The following SLC8B1 variants were observed in gnomAD, a reference collection of about 807,000 sequenced individuals.
The protein encoded by SLC8B1 is solute carrier family 8 member B1, also known as mitochondrial sodium/calcium exchanger protein.
A neutral mutation model predicts 63.4 loss-of-function variants in SLC8B1; 52 were observed. That is an observed-to-expected ratio of 0.82 (90% CI 0.66 to 1.03). The LOEUF (loss-of-function observed/expected upper bound fraction) is 1.03, where lower values mean the gene tolerates loss of function less well. Ranked by LOEUF, SLC8B1 falls within the 50% of genes least tolerant of loss-of-function variation. SLC8B1 has a pLI of 0.00. For missense variants in SLC8B1, 657 were observed against 741.7 expected (o/e 0.89, Z 1.33); for synonymous variants, 336 against 323.9 (o/e 1.04, Z -0.40).
chr12:113,306,448 C>G (rs377762188), intron 14 of SLC8B1, 47 bp downstream of exon 14: 1 of 1,498,706 alleles, frequency 6.7e-7, no homozygotes, highest in South Asian at 1.3e-5. Context: ...ACCCCACCCA[C>G]GGCTGTGACA....
intron 12 of SLC8B1, 106 bp downstream of exon 12, chr12:113,310,128 A>T: frequency 7.0e-7 from 1 of 1,423,050 alleles, no homozygotes; most frequent in South Asian, 1.5e-5. Context: ...TCTTTGTGTG[A>T]CTCCTGATCA....
intron 15 of SLC8B1, among the ~76,000 whole-genome samples, chr12:113,301,540 T>C (rs1264496654): frequency 1.3e-5 from 2 of 152,060 alleles, no homozygotes; most frequent in Non-Finnish European, 2.9e-5. Context: ...AGTTTCACCA[T>C]GTTGGCCAGA....
intron 15 of SLC8B1, among the ~76,000 whole-genome samples, chr12:113,300,202 G>A (rs1467346853): frequency 4.6e-5 from 7 of 152,222 alleles, no homozygotes; most frequent in Non-Finnish European, 1.0e-4. Flanking sequence ...TCTCAGCCGA[G>A]CACAGTGGCT....
chr12:113,319,091 C>T lies in SLC8B1; in HGVS notation c.695-20G>A, dbSNP rs117613738. The T allele has an allele frequency of 1.9e-4, 306 of 1,587,878 alleles. 2 individuals carry two copies. The East Asian group carries it at 3.5e-3, about 18-fold the overall frequency. On this transcript the variant is annotated intron_variant, in intron 7 of 15. Transcript: ENST00000680972. ...GGTAACCTGCAGACGGGGTGCACGC[C>T]GTCACCAAGTGGTGTCCTGGTGCAG...
At chr12:113,318,429 G>A (rs928121775) in intron 8 of SLC8B1, among the ~76,000 whole-genome samples, 3 of 151,434 alleles carry the variant, frequency 2.0e-5, no homozygotes, top group Non-Finnish European at 4.4e-5. Context: ...TGTGTGTTGT[G>A]TGTATACACG....
chr12:113,314,074 T>A (rs1421880675), intron 11 of SLC8B1, among the ~76,000 whole-genome samples: 4 of 152,154 alleles, frequency 2.6e-5, no homozygotes, highest in Non-Finnish European at 5.9e-5. Flanking sequence ...TGAAAGCAAG[T>A]CCCTGGATTT....
chr12:113,328,304 C>T (rs1448704151), intron 2 of SLC8B1, among the ~76,000 whole-genome samples: 3 of 152,178 alleles, frequency 2.0e-5, no homozygotes, highest in African/African-American at 7.2e-5. Context: ...GCTGGGATTA[C>T]ACAGGTGGGC....
At chr12:113,308,048 A>C in intron 12 of SLC8B1, 2 of 610,786 alleles carry the variant, frequency 3.3e-6, no homozygotes. Context: ...TTTTTTCCTT[A>C]ATAAACTCCC....
rs1341550005 is a variant in SLC8B1, at chr12:113,305,329, T to C, written c.1493-944A>G. 2.6e-5 allele frequency among the ~76,000 whole-genome samples: 4 copies of C among 152,240 alleles called. No homozygotes were observed. The highest frequency in any genetic ancestry group is 6.5e-5 in the Admixed American group (1 of 15,284). On this transcript the variant is annotated intron_variant, in intron 14 of 15. Coordinates refer to ENST00000680972, the MANE Select transcript of SLC8B1 (RefSeq NM_001358345.2). This position sits in a 1 kb window ranked among gnomAD's most constrained non-coding sequence, Gnocchi z 4.3. ...GGAGTTAAAAGGGCAGGCATCACTG[T>C]CTCCGCAGTTAGCCTGTTTTGCCGG...
At chr12:113,306,906 T>C (rs1956682631) in intron 13 of SLC8B1, 3 of 392,386 alleles carry the variant, frequency 7.6e-6, no homozygotes, top group Admixed American at 4.2e-5. Context: ...AGGTCAGGAG[T>C]TCGAGACCAG....
At chr12:113,310,210 T>G in intron 12 of SLC8B1, 24 bp downstream of exon 12, 1 of 1,609,388 alleles carries the variant, frequency 6.2e-7, no homozygotes, top group South Asian at 1.1e-5. Context: ...TCCCCCCCCA[T>G]CTCGGAGAAC....
intron 12 of SLC8B1, among the ~76,000 whole-genome samples, chr12:113,309,633 G>A (rs1016315020): frequency 1.3e-5 from 2 of 152,188 alleles, no homozygotes; most frequent in Admixed American, 6.6e-5. Flanking sequence ...GCTTGCGCCT[G>A]TAGTCCCATC....
intron 15 of SLC8B1, 104 bp from the exon 16 acceptor site, chr12:113,300,078 A>G (rs4767065): frequency 2.5e-5 from 22 of 863,468 alleles, no homozygotes; most frequent in African/African-American, 2.0e-4. Flanking sequence ...TGCAGCCTCA[A>G]CAACAATGCA....
In SLC8B1 at chr12:113,304,317, T is replaced by C. The variant is rs562731014; in HGVS notation, c.1557+4A>G. 13 of 1,613,782 alleles carry C rather than the reference T, an allele frequency of 8.1e-6. No homozygotes were observed. The South Asian group carries it at 1.4e-4, about 18-fold the overall frequency. ...ACACTTGTAAACTTACAAGGAATAC[T>C]CACCTTCACTTCTGTGTGGCTTCGG... On this transcript the variant is annotated splice_donor_region_variant and intron_variant, in intron 15 of 15. Coordinates refer to ENST00000680972, the MANE Select transcript of SLC8B1 (RefSeq NM_001358345.2).
At chr12:113,326,337 C>A (rs1317073336) in intron 2 of SLC8B1, among the ~76,000 whole-genome samples, 1 of 152,046 alleles carries the variant, frequency 6.6e-6, no homozygotes, top group African/African-American at 2.4e-5. Context: ...AGCTCTTATT[C>A]TATTCTTTCT....
At chr12:113,309,571 T>C (rs756334541) in intron 12 of SLC8B1, among the ~76,000 whole-genome samples, 26 of 152,138 alleles carry the variant, frequency 1.7e-4, no homozygotes, top group African/African-American at 5.8e-4. Flanking sequence ...CTGGGCAACA[T>C]AGTGAGACCT....
chr12:113,316,842 A>G lies in SLC8B1; in HGVS notation c.862+100T>C, dbSNP rs986862643. 4.0e-6 allele frequency: 6 copies of G among 1,504,274 alleles called. No homozygotes were observed. The Admixed American group carries it at 1.1e-4, about 27-fold the overall frequency. The allele number at this position is 1,504,274 out of a possible 1,614,324, so 93.2% of individuals were successfully genotyped here. A position where few individuals can be genotyped will look rare whatever the true frequency, so the allele number is the denominator to read the frequency against. ...GCAGTGAGAGGTGGGGCCGATTTGG[A>G]GCCTCATTCCTGGAGCCCAGGTCTT... On this transcript the variant is annotated intron_variant, in intron 9 of 15. Coordinates refer to ENST00000680972, the MANE Select transcript of SLC8B1 (RefSeq NM_001358345.2).
rs1956884274 is a variant in SLC8B1, at chr12:113,319,068, T to C, written c.698A>G (p.Tyr233Cys). The stretch of plus-strand genomic sequence containing the variant: ...CACATAGAACACATACAAGCCCAGG[T>C]AACCTGCAGACGGGGTGCACGCCGT... ...GRVTLAWALG[Y>C]LGLYVFYVVT... Residue 233 changes from tyrosine (Y) to cysteine (C), a missense_variant, in exon 8 of 16, where the codon TAC becomes TGC. By Grantham distance (194) the Tyr-to-Cys change is radical (BLOSUM62 -2). Coordinates refer to ENST00000680972, the MANE Select transcript of SLC8B1 (RefSeq NM_001358345.2). 2 of 1,613,542 alleles carry C rather than the reference T, an allele frequency of 1.2e-6. No homozygotes were observed. Among genetic ancestry groups the C allele is most frequent in the East Asian group, 2.2e-5 (1 of 44,870 alleles).
At chr12:113,332,294 CAG>C (rs1192418514) in intron 2 of SLC8B1, among the ~76,000 whole-genome samples, 1 of 152,164 alleles carries the variant, frequency 6.6e-6, no homozygotes, top group Non-Finnish European at 1.5e-5. Flanking sequence ...GTTGTTGAGA[CAG>C]AGTCTTGCTT....
Sources: gnomAD v4.1 joint callset for allele counts (sites outside exome capture counted in the v4.1 genomes callset) on GRCh38, gnomAD v4.1.1 for gene constraint, Gnocchi (gnomAD v3.1) non-coding constraint, MANE v1.5 for transcripts, NCBI Gene and HGNC (gene_info 2026-07-23, HGNC 2026-07-21) for gene names.